The following SUCLG2 variants were observed in gnomAD, a reference collection of about 807,000 sequenced individuals.
The protein encoded by SUCLG2 is succinate--CoA ligase [GDP-forming] subunit beta, mitochondrial.
Under a neutral mutation model 47.9 loss-of-function variants are expected in SUCLG2, and 42 were observed. The ratio of observed to expected loss-of-function variants is 0.88; its 90% CI spans 0.69 to 1.14. SUCLG2 has a LOEUF of 1.14. Ranked by LOEUF, SUCLG2 falls within the 50% of genes most tolerant of loss-of-function variation. SUCLG2 has a pLI of 0.00. For synonymous variants in SUCLG2, 195 were observed against 197.3 expected (o/e 0.99, Z 0.10); for missense variants, 571 against 525.9 (o/e 1.09, Z -0.84).
chr3:67,407,316 G>A (rs1702836389), intron 9 of SUCLG2, among the ~76,000 whole-genome samples: 1 of 152,058 alleles, frequency 6.6e-6, no homozygotes, highest in South Asian at 2.1e-4. Flanking sequence ...ATATATCTTT[G>A]ATAACACTTT....
intron 2 of SUCLG2, among the ~76,000 whole-genome samples, chr3:67,602,323 A>C (rs1708438175): frequency 6.6e-6 from 1 of 152,214 alleles, no homozygotes. Flanking sequence ...AAGTTAAGGC[A>C]TTGAGTTTCA....
At chr3:67,534,738 C>T (rs920954279) in intron 2 of SUCLG2, among the ~76,000 whole-genome samples, 1 of 119,072 alleles carries the variant, frequency 8.4e-6, no homozygotes, top group Admixed American at 1.0e-4. Context: ...TACAAAAAAG[C>T]CTTAGGACAG....
chr3:67,505,892 G>A (rs565637096), intron 7 of SUCLG2, among the ~76,000 whole-genome samples: 10 of 152,142 alleles, frequency 6.6e-5, no homozygotes, highest in Admixed American at 1.3e-4. Flanking sequence ...AACTCGGGAG[G>A]TGGAGGCTGC....
At chr3:67,412,898 T>G (rs566191890) in intron 9 of SUCLG2, among the ~76,000 whole-genome samples, 2 of 152,324 alleles carry the variant, frequency 1.3e-5, no homozygotes, top group African/African-American at 2.4e-5. Flanking sequence ...CAACCCAGCT[T>G]GCTCTTGGGA....
intron 2 of SUCLG2, among the ~76,000 whole-genome samples, chr3:67,570,111 C>T (rs1018568300): frequency 8.6e-5 from 13 of 151,970 alleles, no homozygotes; most frequent in Admixed American, 2.6e-4. Flanking sequence ...GAAGAAAGGC[C>T]GTAAGAGGAC....
intron 9 of SUCLG2, among the ~76,000 whole-genome samples, chr3:67,482,211 A>G (rs1401512586): frequency 6.7e-6 from 1 of 149,746 alleles, no homozygotes; most frequent in South Asian, 2.1e-4. Context: ...AGGAAGGAAG[A>G]GAGGGAGGGA....
At chr3:67,473,034 GTTA>G (rs1704643375) in intron 9 of SUCLG2, among the ~76,000 whole-genome samples, 2 of 152,122 alleles carry the variant, frequency 1.3e-5, no homozygotes, top group African/African-American at 4.8e-5. Flanking sequence ...ACTTCAGTAT[GTTA>G]TTAAGTGGAA....
chr3:67,360,807 T>G lies in SUCLG2; in HGVS notation c.1184-39A>C, dbSNP rs183802457. 209 of 1,465,766 alleles carry G rather than the reference T, an allele frequency of 1.4e-4. No individual in the cohort carries two copies. The African/African-American group carries it at 2.8e-3, about 19-fold the overall frequency. 90.8% of individuals were successfully genotyped at this position (1,465,766 alleles called of 1,614,324 possible). The stretch of plus-strand genomic sequence containing the variant: ...GAGATTCTTGTAATGAGTTTTTTCT[T>G]GCAATATATTTAGATGAACAACAAC... On this transcript the variant is annotated intron_variant, in intron 10 of 10. Coordinates refer to the SUCLG2 transcript ENST00000493112.
chr3:67,629,890 T>C (rs1214230368), intron 1 of SUCLG2, among the ~76,000 whole-genome samples: 1 of 152,156 alleles, frequency 6.6e-6, no homozygotes, highest in East Asian at 1.9e-4. Context: ...CAAATATATA[T>C]ATATTCATTA....
At chr3:67,370,457 T>C (rs1038438154), downstream of SUCLG2, among the ~76,000 whole-genome samples, 10 of 152,196 alleles carry the variant, frequency 6.6e-5, no homozygotes, top group Non-Finnish European at 1.3e-4. Flanking sequence ...CAAGGTCACC[T>C]GTTTGTATCC....
At chr3:67,448,175 T>G (rs374167886) in intron 9 of SUCLG2, among the ~76,000 whole-genome samples, 1 of 152,150 alleles carries the variant, frequency 6.6e-6, no homozygotes, top group Non-Finnish European at 1.5e-5. Context: ...CCCAAAAAAC[T>G]ATGAATAACT....
intron 2 of SUCLG2, among the ~76,000 whole-genome samples, chr3:67,557,123 T>C (rs757460863): frequency 2.0e-5 from 3 of 152,208 alleles, no homozygotes; most frequent in Non-Finnish European, 4.4e-5. Flanking sequence ...CTTTTAAGTA[T>C]AACTTAATGT....
intron 2 of SUCLG2, among the ~76,000 whole-genome samples, chr3:67,604,072 GCT>G (rs1173260681): frequency 1.3e-5 from 2 of 152,158 alleles, no homozygotes; most frequent in Non-Finnish European, 1.5e-5. Context: ...AAACAAATTT[GCT>G]CTCTCAGACA....
intron 10 of SUCLG2, among the ~76,000 whole-genome samples, chr3:67,383,843 A>T (rs1702209034): frequency 6.6e-6 from 1 of 152,160 alleles, no homozygotes; most frequent in Admixed American, 6.5e-5. Context: ...AAGCAAGAAC[A>T]CCTTACACTT....
intron 9 of SUCLG2, among the ~76,000 whole-genome samples, chr3:67,425,573 T>TG (rs1703278437): frequency 6.6e-6 from 1 of 152,158 alleles, no homozygotes; most frequent in Non-Finnish European, 1.5e-5. Flanking sequence ...ATTATTTAGC[T>TG]GGGGCATCTT....
chr3:67,476,620 C>A (rs914989695), intron 9 of SUCLG2, among the ~76,000 whole-genome samples: 1 of 152,172 alleles, frequency 6.6e-6, no homozygotes, highest in African/African-American at 2.4e-5. Context: ...TCCCCCGCAA[C>A]CCTGCACCCT....
intron 9 of SUCLG2, among the ~76,000 whole-genome samples, chr3:67,480,161 G>A (rs1704874535): frequency 6.6e-6 from 1 of 152,132 alleles, no homozygotes; most frequent in Non-Finnish European, 1.5e-5. Context: ...TAGTACTCAT[G>A]GTATGTGAAA....
chr3:67,382,793 G>C (rs76138686), intron 10 of SUCLG2, among the ~76,000 whole-genome samples: 11,434 of 152,186 alleles, frequency 0.075, 459 homozygotes, highest in South Asian at 0.09. Flanking sequence ...AAGTATTTCA[G>C]CCCCTCTGCT....
At chr3:67,554,563 T>C (rs752888437) in intron 2 of SUCLG2, among the ~76,000 whole-genome samples, 2 of 152,206 alleles carry the variant, frequency 1.3e-5, no homozygotes, top group Non-Finnish European at 2.9e-5. Context: ...TTTCATTTCC[T>C]TCTTGTCTAG....
Sources: gnomAD v4.1 joint callset for allele counts (sites outside exome capture counted in the v4.1 genomes callset) on GRCh38, gnomAD v4.1.1 for gene constraint, MANE v1.5 for transcripts, NCBI Gene and HGNC (gene_info 2026-07-23, HGNC 2026-07-21) for gene names.